DNAJC3: variants seen among roughly 807,000 people sequenced by gnomAD.
The protein encoded by DNAJC3 is dnaJ homolog subfamily C member 3.
Under a neutral mutation model 68.6 loss-of-function variants are expected in DNAJC3, and 38 were observed. The ratio of observed to expected loss-of-function variants is 0.55; its 90% CI spans 0.43 to 0.73. The LOEUF (loss-of-function observed/expected upper bound fraction) is 0.73. Ranked by LOEUF, DNAJC3 falls within the 30% of genes least tolerant of loss-of-function variation. The probability of loss-of-function intolerance (pLI) is 0.00; values close to 1 mark genes in which losing one functional copy is unlikely to be tolerated. For missense variants in DNAJC3, 526 were observed against 591.9 expected (o/e 0.89, Z 1.16); for synonymous variants, 203 against 204.0 (o/e 1.00, Z 0.04).
intron 9 of DNAJC3, among the ~76,000 whole-genome samples, chr13:95,769,631 C>G (rs1333890802): frequency 1.3e-5 from 2 of 152,196 alleles, no homozygotes; most frequent in African/African-American, 4.8e-5. Flanking sequence ...TAGTCCTTTG[C>G]AAAGACAGTC....
chr13:95,757,682 A>G lies in DNAJC3; in HGVS notation c.432A>G (p.Ala144=), dbSNP rs1177830056. The part of the protein sequence containing the change: ...SNPSENEEKE[A]QSQLIKSDEM... Reference sequence around the variant, plus strand: ...CAAGTGAAAATGAAGAAAAGGAAGCACAGTCTCAACTTATAAAATCTGATG... The same window carrying G: ...CAAGTGAAAATGAAGAAAAGGAAGCGCAGTCTCAACTTATAAAATCTGATG... The change falls in exon 5 of 12, where the codon GCA becomes GCG. Residue 144 remains alanine (A), a synonymous_variant. Coordinates refer to ENST00000602402, the MANE Select transcript of DNAJC3 (RefSeq NM_006260.5). 3.8e-6 allele frequency: 6 copies of G among 1,576,864 alleles called. No individual in the cohort carries two copies. In the South Asian group the frequency reaches 5.7e-5, roughly 15 times the overall value.
At chr13:95,747,611 G>T (rs1882343905) in intron 4 of DNAJC3, among the ~76,000 whole-genome samples, 1 of 152,196 alleles carries the variant, frequency 6.6e-6, no homozygotes, top group Non-Finnish European at 1.5e-5. Flanking sequence ...GAAGGTTTAT[G>T]TTGGAAGTAT....
rs575510274 is a variant in DNAJC3, at chr13:95,712,399, A to G, written c.193+3062A>G. 2.8e-5 allele frequency among the ~76,000 whole-genome samples: 4 copies of G among 141,428 alleles called. No individual in the cohort carries two copies. The South Asian group carries it at 6.7e-4, about 24-fold the overall frequency. 92.8% of individuals were successfully genotyped at this position (141,428 alleles called of 152,430 possible). A position where few individuals can be genotyped will look rare whatever the true frequency, so the allele number is the denominator to read the frequency against. ...CTTTTTTTTTTTTTTTTTGAGGCAG[A>G]GTCTCGCTGTGTCACCCAGGAAGCT... On this transcript the variant is annotated intron_variant, in intron 2 of 11. Coordinates refer to ENST00000602402, the MANE Select transcript of DNAJC3 (RefSeq NM_006260.5).
At chr13:95,692,808 C>T (rs966350359) in intron 1 of DNAJC3, 2 of 151,842 alleles carry the variant, frequency 1.3e-5, no homozygotes, top group African/African-American at 4.8e-5. Flanking sequence ...CACTTCTACA[C>T]ATCTGCACCC....
intron 9 of DNAJC3, among the ~76,000 whole-genome samples, chr13:95,776,938 G>T (rs896189524): frequency 6.6e-6 from 1 of 152,102 alleles, no homozygotes; most frequent in African/African-American, 2.4e-5. Context: ...CACCATCAGG[G>T]CACACGCTCT....
intron 1 of DNAJC3, chr13:95,694,832 A>G (rs1026837698): frequency 6.6e-6 from 1 of 152,614 alleles, no homozygotes; most frequent in Non-Finnish European, 1.5e-5. Flanking sequence ...ACGGTGCTTC[A>G]ATATTCTTCA....
chr13:95,703,284 C>G (rs1051735068), intron 1 of DNAJC3, among the ~76,000 whole-genome samples: 7 of 152,174 alleles, frequency 4.6e-5, no homozygotes, highest in African/African-American at 1.7e-4. Context: ...GAAAGCTTAA[C>G]TAAAACACGA....
intron 1 of DNAJC3, among the ~76,000 whole-genome samples, chr13:95,699,703 C>CTT (rs931494337): frequency 2.4e-4 from 36 of 152,100 alleles, no homozygotes; most frequent in African/African-American, 8.2e-4. Flanking sequence ...CTATGAAAGA[C>CTT]GTTTACTTCC....
At chr13:95,736,957 T>C (rs1881945386) in intron 4 of DNAJC3, among the ~76,000 whole-genome samples, 1 of 151,282 alleles carries the variant, frequency 6.6e-6, no homozygotes, top group Non-Finnish European at 1.5e-5. Flanking sequence ...GGCTGTGGGT[T>C]TGTCATAGAT....
intron 2 of DNAJC3, among the ~76,000 whole-genome samples, chr13:95,709,612 A>G (rs1880883454): frequency 1.4e-5 from 2 of 139,854 alleles, no homozygotes; most frequent in South Asian, 2.4e-4. Context: ...TTCTCAGTGT[A>G]TTATTTGGCT....
chr13:95,704,479 G>A (rs1453990641), intron 1 of DNAJC3, among the ~76,000 whole-genome samples: 2 of 152,154 alleles, frequency 1.3e-5, no homozygotes, highest in Non-Finnish European at 2.9e-5. Flanking sequence ...ATGGAGTAAT[G>A]GTAAAACCAG....
At chr13:95,690,553 T>C (rs1340522078) in intron 1 of DNAJC3, among the ~76,000 whole-genome samples, 2 of 149,102 alleles carry the variant, frequency 1.3e-5, no homozygotes, top group Admixed American at 6.6e-5. Context: ...CACTTCCCAG[T>C]AGGGGCGGCC....
chr13:95,686,062 C>T (rs919845416), intron 1 of DNAJC3, among the ~76,000 whole-genome samples: 15 of 151,898 alleles, frequency 9.9e-5, no homozygotes, highest in Admixed American at 1.3e-4. Context: ...CCCAGGTTCA[C>T]GCCATTCTCC....
chr13:95,763,650 G>A lies in DNAJC3; in HGVS notation c.856G>A (p.Asp286Asn), dbSNP rs1262470655. ...GATTTGCTCATTTCTTAGATACACA[G>A]ATGCTACCAGCAAATATGAATCTGT... ...EELIRDGRYTDATSKYESVMK... is the reference protein window; with the variant it reads ...EELIRDGRYTNATSKYESVMK... The change falls in exon 8 of 12, where the codon GAT becomes AAT. Residue 286 changes from aspartate (D) to asparagine (N), a missense_variant. Physicochemically the swap from Asp to Asn is conservative, Grantham distance 23. Coordinates refer to ENST00000602402, the MANE Select transcript of DNAJC3 (RefSeq NM_006260.5). The A allele has an allele frequency of 6.2e-7, 1 of 1,613,466 alleles. No individual in the cohort carries two copies. The highest frequency in any genetic ancestry group is 2.2e-5 in the East Asian group (1 of 44,832).
At chr13:95,743,546 ACT>A (rs1882212636) in intron 4 of DNAJC3, among the ~76,000 whole-genome samples, 1 of 152,172 alleles carries the variant, frequency 6.6e-6, no homozygotes, top group Non-Finnish European at 1.5e-5. Context: ...GCCTCAGGCC[ACT>A]GGCCTCCTGC....
At chr13:95,759,079 G>A (rs371028965) in intron 5 of DNAJC3, among the ~76,000 whole-genome samples, 35 of 152,220 alleles carry the variant, frequency 2.3e-4, no homozygotes, top group African/African-American at 7.7e-4. Flanking sequence ...CGACTTTAGA[G>A]CAGCTCTAAG....
At chr13:95,678,825 CT>C (rs1879837272) in intron 1 of DNAJC3, among the ~76,000 whole-genome samples, 1 of 152,056 alleles carries the variant, frequency 6.6e-6, no homozygotes, top group Non-Finnish European at 1.5e-5. Context: ...TGTAAGGACT[CT>C]TAACTCTTCA....
intron 2 of DNAJC3, among the ~76,000 whole-genome samples, chr13:95,716,883 G>A (rs979256926): frequency 6.6e-6 from 1 of 152,164 alleles, no homozygotes; most frequent in Non-Finnish European, 1.5e-5. Context: ...CAACATTTGG[G>A]CATGAAAACA....
intron 1 of DNAJC3, among the ~76,000 whole-genome samples, chr13:95,708,443 C>T (rs1880837939): frequency 6.6e-6 from 1 of 152,112 alleles, no homozygotes; most frequent in Admixed American, 6.5e-5. Context: ...TACTATCTTC[C>T]TCTTGGCTCT....
Sources: allele counts gnomAD v4.1 joint callset (sites outside exome capture counted in the v4.1 genomes callset), GRCh38; gene constraint gnomAD v4.1.1; transcripts MANE v1.5; gene names NCBI Gene and HGNC (gene_info 2026-07-23, HGNC 2026-07-21).